NCAM2: variants seen among roughly 807,000 people sequenced by gnomAD.
NCAM2 encodes N-CAM-2.
NCAM2 carries 30 observed loss-of-function variants against 98.1 expected under a neutral mutation model. The ratio of observed to expected loss-of-function variants is 0.31; its 90% confidence interval spans 0.23 to 0.41. NCAM2 has a LOEUF of 0.41. NCAM2 is among the 10% of genes least tolerant of loss of function. The pLI is 1.00. For synonymous variants in NCAM2, 368 were observed against 342.4 expected (o/e 1.07, Z -0.83); for missense variants, 867 against 1,005.8 (o/e 0.86, Z 1.87).
At chr21:21,473,218 C>T (rs1163975358) in intron 14 of NCAM2, among the ~76,000 whole-genome samples, 1 of 150,918 alleles carries the variant, frequency 6.6e-6, no homozygotes, top group Non-Finnish European at 1.5e-5. Context: ...TCTGACAGTG[C>T]CATGGTATTC....
At chr21:21,111,383 A>G (rs1321514309) in intron 1 of NCAM2, among the ~76,000 whole-genome samples, 1 of 152,186 alleles carries the variant, frequency 6.6e-6, no homozygotes, top group Non-Finnish European at 1.5e-5. Context: ...TTGAGCCCGG[A>G]GGCATGGAAA....
rs764097299 is a variant in NCAM2, at chr21:21,508,808, C to CTTTTTTTTTTTTTT, written c.2078-24_2078-11dup. The stretch of plus-strand genomic sequence containing the variant: ...ATTTAGAGGTTTAATACTTTTTTTC[C>CTTTTTTTTTTTTTT]TTTTTTTTTTTTTTTTTTTTTTTTT... On this transcript the variant is annotated intron_variant, in intron 15 of 17. Coordinates refer to ENST00000400546, the MANE Select transcript of NCAM2 (RefSeq NM_004540.5). The CTTTTTTTTTTTTTT allele has an allele frequency of 2.3e-4, 96 of 413,298 alleles. 16 individuals are homozygous for CTTTTTTTTTTTTTT. Among genetic ancestry groups the CTTTTTTTTTTTTTT allele is most frequent in the African/African-American group, 4.4e-4 (13 of 29,382 alleles). The allele number at this position is 413,298 out of a possible 1,614,324, so 25.6% of individuals were successfully genotyped here.
chr21:21,505,589 T>C (rs1987930537), intron 15 of NCAM2, among the ~76,000 whole-genome samples: 1 of 151,954 alleles, frequency 6.6e-6, no homozygotes, highest in Non-Finnish European at 1.5e-5. Context: ...TAGCCAAACC[T>C]GAATTATTAA....
chr21:21,425,487 G>A (rs892582181), intron 11 of NCAM2, among the ~76,000 whole-genome samples: 3 of 152,114 alleles, frequency 2.0e-5, no homozygotes, highest in Non-Finnish European at 4.4e-5. Flanking sequence ...TCCGTGAGTT[G>A]TGAGAAGAGT....
intron 8 of NCAM2, among the ~76,000 whole-genome samples, chr21:21,357,932 TCATA>T (rs1379433215): frequency 6.6e-6 from 1 of 152,172 alleles, no homozygotes; most frequent in Non-Finnish European, 1.5e-5. Context: ...GATATTTTAG[TCATA>T]CATACAGCCG....
chr21:21,521,787 A>G (rs1372489932), intron 16 of NCAM2, among the ~76,000 whole-genome samples: 1 of 152,062 alleles, frequency 6.6e-6, no homozygotes, highest in Non-Finnish European at 1.5e-5. Context: ...TGGAGTAAAT[A>G]CAGTTATAAT....
In NCAM2 at chr21:21,456,001, C is replaced by A. The variant is rs144094988; in HGVS notation, c.1655-10605C>A. Among the ~76,000 whole-genome samples the A allele has an allele frequency of 3.0e-3, 454 of 152,058 alleles. 3 individuals are homozygous for A. The highest frequency in any genetic ancestry group is 0.011 in the African/African-American group (437 of 41,532). On this transcript the variant is annotated intron_variant, in intron 12 of 17. Transcript: ENST00000400546. ...AATTCTTTCAAAATAAGAGAGAAAA[C>A]TTTAAAAAAAGAAACAAAAACCTGC...
In NCAM2 at chr21:21,516,380, G is replaced by GT. The variant is rs899337981; in HGVS notation, c.2282+7334dup. On this transcript the variant is annotated intron_variant, in intron 16 of 17. Coordinates refer to ENST00000400546, the MANE Select transcript of NCAM2 (RefSeq NM_004540.5). ...ATATTTTAATAATCTAATTATAAAA[G>GT]TTTTTTTTTCAATTCTAAGGCAGAA... Among the ~76,000 whole-genome samples the GT allele has an allele frequency of 2.7e-4, 41 of 150,960 alleles. 2 individuals carry two copies. In the South Asian group the frequency reaches 3.4e-3, roughly 12 times the overall value.
intron 13 of NCAM2, among the ~76,000 whole-genome samples, 178 bp downstream of exon 13, chr21:21,466,903 TTAG>T (rs1983753522): frequency 6.6e-6 from 1 of 151,982 alleles, no homozygotes; most frequent in Admixed American, 6.6e-5. Context: ...TAACTTTGCT[TTAG>T]AGCAAGGCAG....
chr21:21,208,718 G>A (rs1317754240), intron 1 of NCAM2, among the ~76,000 whole-genome samples: 3 of 152,002 alleles, frequency 2.0e-5, no homozygotes, highest in African/African-American at 7.2e-5. Flanking sequence ...TTTTCTTCCT[G>A]TACCTGCTTA....
At chr21:21,031,949 G>A (rs574157742) in intron 1 of NCAM2, among the ~76,000 whole-genome samples, 50 of 152,212 alleles carry the variant, frequency 3.3e-4, no homozygotes, top group African/African-American at 1.2e-3. Flanking sequence ...TAAATCTCTT[G>A]TAGAGATCTT....
At chr21:21,467,936 G>A (rs947130578) in intron 13 of NCAM2, among the ~76,000 whole-genome samples, 2 of 151,876 alleles carry the variant, frequency 1.3e-5, no homozygotes, top group South Asian at 2.1e-4. Flanking sequence ...AGGTCATGCC[G>A]GTTTAGAGAT....
intron 16 of NCAM2, among the ~76,000 whole-genome samples, chr21:21,510,892 A>G (rs1220819634): frequency 6.6e-6 from 1 of 152,138 alleles, no homozygotes; most frequent in East Asian, 1.9e-4. Context: ...AAGAAAAAGA[A>G]CTTTATTATC....
chr21:21,281,613 ATTAT>A (rs746175504), intron 2 of NCAM2, among the ~76,000 whole-genome samples: 43 of 152,062 alleles, frequency 2.8e-4, no homozygotes, highest in Non-Finnish European at 5.0e-4. Flanking sequence ...AAATGAATGC[ATTAT>A]TTATTTAGGT....
chr21:21,291,196 A>G (rs1280846268), intron 4 of NCAM2, among the ~76,000 whole-genome samples: 3 of 151,934 alleles, frequency 2.0e-5, no homozygotes, highest in Non-Finnish European at 4.4e-5. Context: ...CAAACAGATA[A>G]TAGTCAATGA....
At chr21:21,268,733 C>T (rs1180504683) in intron 1 of NCAM2, among the ~76,000 whole-genome samples, 1 of 152,184 alleles carries the variant, frequency 6.6e-6, no homozygotes, top group Non-Finnish European at 1.5e-5. Flanking sequence ...TTGTTGCCTC[C>T]TCCAACCTGG....
chr21:21,311,476 G>A (rs2074052528), intron 5 of NCAM2, among the ~76,000 whole-genome samples: 1 of 151,822 alleles, frequency 6.6e-6, no homozygotes, highest in Non-Finnish European at 1.5e-5. Context: ...GAGTCGCTGG[G>A]ACTACAGGCA....
chr21:21,408,429 A>C (rs1316766485), intron 9 of NCAM2, among the ~76,000 whole-genome samples: 1 of 152,138 alleles, frequency 6.6e-6, no homozygotes, highest in Non-Finnish European at 1.5e-5. Flanking sequence ...CCTTTAAATA[A>C]ACTTTTATAA....
intron 13 of NCAM2, 126 bp from the exon 14 acceptor site, chr21:21,468,536 T>C (rs1023242339): frequency 1.2e-6 from 1 of 840,412 alleles, no homozygotes; most frequent in African/African-American, 1.8e-5. Context: ...AAAAGGGCAA[T>C]GTCAAATGGT....
Sources: allele counts gnomAD v4.1 joint callset (sites outside exome capture counted in the v4.1 genomes callset), GRCh38; gene constraint gnomAD v4.1.1; transcripts MANE v1.5; gene names NCBI Gene and HGNC (gene_info 2026-07-23, HGNC 2026-07-21).